The following DLC1 variants were observed in gnomAD, a reference collection of about 807,000 sequenced individuals.
The protein encoded by DLC1 is rho GTPase-activating protein 7.
In DLC1, 54 loss-of-function variants were observed where a neutral mutation model predicts 140.3. That is an observed-to-expected ratio of 0.38 (90% CI 0.31 to 0.48). The LOEUF (loss-of-function observed/expected upper bound fraction) is 0.48. Among genes scored for constraint, DLC1 ranks in the 20% least tolerant of loss-of-function variants. The pLI is 0.96. For missense variants in DLC1, 2,536 were observed against 1,907.0 expected (o/e 1.33, Z -6.14); for synonymous variants, 986 against 728.1 (o/e 1.35, Z -5.70).
intron 1 of DLC1, chr8:13,567,402 G>T: frequency 6.4e-7 from 1 of 1,551,720 alleles, no homozygotes; most frequent in South Asian, 1.2e-5. Context: ...ATCGTAGAGG[G>T]GATTCTAAGA....
At chr8:13,603,399 A>G (rs186594376) in intron 1 of DLC1, among the ~76,000 whole-genome samples, 1 of 151,614 alleles carries the variant, frequency 6.6e-6, no homozygotes, top group African/African-American at 2.4e-5. Context: ...TTTTTACTTT[A>G]ATTTTTTTTT....
chr8:13,115,741 T>C (rs1820501178), intron 5 of DLC1, 84 bp from the exon 6 acceptor site: 2 of 1,300,094 alleles, frequency 1.5e-6, no homozygotes, highest in Admixed American at 1.8e-5. Flanking sequence ...CGTTTTATGA[T>C]ACAAGCAAAA....
At chr8:13,202,718 G>T (rs1585902002) in intron 5 of DLC1, among the ~76,000 whole-genome samples, 4 of 151,858 alleles carry the variant, frequency 2.6e-5, no homozygotes, top group Middle Eastern at 6.8e-3. Flanking sequence ...CTGTTACCCA[G>T]GCTGGAGTGC....
chr8:13,553,897 A>T (rs1333287658), intron 1 of DLC1, among the ~76,000 whole-genome samples: 1 of 152,024 alleles, frequency 6.6e-6, no homozygotes, highest in African/African-American at 2.4e-5. Context: ...TTCTCCTCAA[A>T]ATATTTTTCT....
intron 13 of DLC1, among the ~76,000 whole-genome samples, chr8:13,092,221 G>C (rs930543845): frequency 3.3e-5 from 5 of 152,240 alleles, no homozygotes; most frequent in African/African-American, 1.2e-4. Context: ...CTCCAGCCTG[G>C]GCAACAGAGC....
chr8:13,435,406 C>T (rs568131644), intron 2 of DLC1, among the ~76,000 whole-genome samples: 97 of 152,226 alleles, frequency 6.4e-4, no homozygotes, highest in Middle Eastern at 3.4e-3. Flanking sequence ...CTCCACCTCC[C>T]GGGTTCAAGC....
At chr8:13,240,555 A>C (rs546706157) in intron 5 of DLC1, among the ~76,000 whole-genome samples, 3 of 152,180 alleles carry the variant, frequency 2.0e-5, no homozygotes, top group Non-Finnish European at 4.4e-5. Context: ...CCTCCCAAGT[A>C]GCTGGGACTA....
At chr8:13,557,011 G>A (rs181829113) in intron 1 of DLC1, among the ~76,000 whole-genome samples, 1 of 152,290 alleles carries the variant, frequency 6.6e-6, no homozygotes, top group Admixed American at 6.5e-5. Flanking sequence ...TTATAATGTA[G>A]TAATTGTCAT....
chr8:13,091,476 A>G (rs775159428), intron 13 of DLC1, 44 bp from the exon 14 acceptor site: 1 of 1,539,894 alleles, frequency 6.5e-7, no homozygotes, highest in East Asian at 2.3e-5. Flanking sequence ...AAATATTTAT[A>G]TATTTTTCTT....
At chr8:13,443,378 G>A (rs1798627843) in intron 2 of DLC1, among the ~76,000 whole-genome samples, 1 of 148,120 alleles carries the variant, frequency 6.8e-6, no homozygotes, top group East Asian at 2.0e-4. Flanking sequence ...GCCCAAATGA[G>A]GCCAGGCATG....
At chr8:13,436,686 C>G (rs1839135729) in intron 2 of DLC1, among the ~76,000 whole-genome samples, 2 of 152,306 alleles carry the variant, frequency 1.3e-5, no homozygotes, top group South Asian at 4.1e-4. Flanking sequence ...TCCCAGAGCT[C>G]TGCTCTACTG....
intron 7 of DLC1, among the ~76,000 whole-genome samples, chr8:13,105,461 T>C (rs1354793423): frequency 1.3e-5 from 2 of 152,072 alleles, no homozygotes; most frequent in Non-Finnish European, 2.9e-5. Flanking sequence ...ATGGTACAGA[T>C]ATTATGATTA....
intron 1 of DLC1, among the ~76,000 whole-genome samples, chr8:13,505,739 T>G (rs1802028912): frequency 6.6e-6 from 1 of 152,212 alleles, no homozygotes; most frequent in Admixed American, 6.5e-5. Flanking sequence ...TATGAGATTC[T>G]TAGGTCAGTT....
chr8:13,170,134 T>G (rs1048261488), intron 5 of DLC1, among the ~76,000 whole-genome samples: 2 of 152,240 alleles, frequency 1.3e-5, no homozygotes, highest in African/African-American at 4.8e-5. Flanking sequence ...TAGCATATAA[T>G]TTTTTGGCTA....
At chr8:13,445,980 T>G (rs1423368221) in intron 2 of DLC1, among the ~76,000 whole-genome samples, 1 of 152,162 alleles carries the variant, frequency 6.6e-6, no homozygotes, top group Admixed American at 6.5e-5. Flanking sequence ...GTTTAAGTCC[T>G]TACTTGGTCA....
chr8:13,449,005 G>C (rs1798923841), intron 2 of DLC1, among the ~76,000 whole-genome samples: 1 of 152,062 alleles, frequency 6.6e-6, no homozygotes, highest in Admixed American at 6.5e-5. Flanking sequence ...AACTCTGTCA[G>C]CTGATGCCTG....
At chr8:13,553,410 A>G (rs1299839169) in intron 1 of DLC1, among the ~76,000 whole-genome samples, 3 of 151,176 alleles carry the variant, frequency 2.0e-5, no homozygotes. Flanking sequence ...TGAGTTTCTC[A>G]TCAGCATACC....
chr8:13,262,646 G>A (rs2117337511), intron 5 of DLC1, among the ~76,000 whole-genome samples: 1 of 152,238 alleles, frequency 6.6e-6, no homozygotes, highest in African/African-American at 2.4e-5. Flanking sequence ...TTGCAGCCTT[G>A]AGCTCCTGGG....
chr8:13,098,603 G>A (rs369390021), intron 9 of DLC1, 28 bp from the exon 10 acceptor site: 1 of 1,586,530 alleles, frequency 6.3e-7, no homozygotes, highest in Non-Finnish European at 8.5e-7. Flanking sequence ...AGGAAAATGA[G>A]TGTGAAGCCT....
Sources: allele counts gnomAD v4.1 joint callset (sites outside exome capture counted in the v4.1 genomes callset), GRCh38; gene constraint gnomAD v4.1.1; transcripts MANE v1.5; gene names NCBI Gene and HGNC (gene_info 2026-07-23, HGNC 2026-07-21).